GOLGA1: variants seen among roughly 807,000 people sequenced by gnomAD.
GOLGA1 encodes the protein golgin subfamily A member 1.
Under a neutral mutation model 119.7 loss-of-function variants are expected in GOLGA1, and 63 were observed. The observed-to-expected ratio is 0.53, with a 90% CI of 0.43 to 0.65. The LOEUF (loss-of-function observed/expected upper bound fraction) is 0.65. GOLGA1 is among the 30% of genes least tolerant of loss of function. GOLGA1 has a pLI of 0.00. For synonymous variants in GOLGA1, 318 were observed against 333.4 expected (o/e 0.95, Z 0.50); for missense variants, 798 against 912.8 (o/e 0.87, Z 1.62).
intron 12 of GOLGA1, among the ~76,000 whole-genome samples, chr9:124,901,145 G>C (rs914915811): frequency 6.7e-6 from 1 of 150,276 alleles, no homozygotes; most frequent in Admixed American, 6.6e-5. Context: ...CTAATTTTTT[G>C]TATTTTTAGT....
At chr9:124,929,930 T>C (rs1030735460) in intron 4 of GOLGA1, among the ~76,000 whole-genome samples, 1 of 152,198 alleles carries the variant, frequency 6.6e-6, no homozygotes, top group African/African-American at 2.4e-5. Flanking sequence ...AGTCCTTAGC[T>C]GGGGACCTTA....
intron 10 of GOLGA1, among the ~76,000 whole-genome samples, chr9:124,919,709 T>C (rs1297553725): frequency 6.6e-6 from 1 of 152,144 alleles, no homozygotes; most frequent in East Asian, 1.9e-4. Flanking sequence ...TCAGCAATTC[T>C]GAAAGATGAG....
At position 124,908,445 on chromosome 9, in the gene GOLGA1, C is replaced by T; in HGVS notation, c.997G>A (p.Asp333Asn). The T allele has an allele frequency of 6.2e-7, 1 of 1,607,578 alleles. No individual in the cohort carries two copies. The highest frequency in any genetic ancestry group is 8.5e-7 in the Non-Finnish European group (1 of 1,173,962). The change falls in exon 12 of 23, where the codon GAT (aspartate) becomes AAT (asparagine). Residue 333 changes from aspartate to asparagine, a missense_variant. Transcript: ENST00000373555. Reference sequence around the variant, plus strand: ...GCTGCCAAGAGCTGTTGTCTGGTATCCTCCAAATTCTGCTCAGCAAGTGTT... The same window carrying T: ...GCTGCCAAGAGCTGTTGTCTGGTATTCTCCAAATTCTGCTCAGCAAGTGTT... The part of the protein sequence containing the change: ...EKTLAEQNLE[D>N]TRQQLLAARS...
intron 3 of GOLGA1, among the ~76,000 whole-genome samples, chr9:124,932,358 C>T (rs923284842): frequency 1.3e-5 from 2 of 152,202 alleles, no homozygotes; most frequent in Non-Finnish European, 2.9e-5. Context: ...TATTCATCTA[C>T]ATGTCCAGCC....
chr9:124,909,530 C>G (rs1049962733), intron 11 of GOLGA1, among the ~76,000 whole-genome samples: 3 of 150,464 alleles, frequency 2.0e-5, no homozygotes, highest in Non-Finnish European at 4.4e-5. Flanking sequence ...ATCACTTGAA[C>G]CCCGGGAAGC....
chr9:124,931,810 G>A (rs760395444), intron 3 of GOLGA1, among the ~76,000 whole-genome samples: 19 of 152,274 alleles, frequency 1.2e-4, no homozygotes, highest in Non-Finnish European at 7.4e-5. Context: ...ATCTTTCACC[G>A]ATATTGATAA....
At position 124,889,423 on chromosome 9, in the gene GOLGA1, C is replaced by T. The variant is rs765602782; in HGVS notation, c.1600+11G>A. On this transcript the variant is annotated intron_variant, in intron 17 of 22. Transcript: ENST00000373555. ...AAGGAGAGAAGGCTCAGCCAGGGAC[C>T]GACTCCTCACCTCGCTCCAGCTGGA... The T allele has an allele frequency of 1.2e-4, 189 of 1,604,536 alleles. No homozygotes were observed. The highest frequency in any genetic ancestry group is 1.5e-4 in the Non-Finnish European group (180 of 1,171,264).
Position 124,880,414 on chromosome 9 carries a change from C to T in GOLGA1, c.*116G>A, listed in dbSNP as rs1829547552. ...CTTAGTCTTGTAAACAATGTTTAGA[C>T]ACTTGTACAAAATACTGCAGTTACA... On this transcript the variant is annotated 3_prime_UTR_variant, in exon 23 of 23. Transcript: ENST00000373555. 2 of 683,326 alleles carry T rather than the reference C, an allele frequency of 2.9e-6. No individual in the cohort carries two copies. The highest frequency in any genetic ancestry group is 3.0e-5 in the South Asian group (2 of 67,142). The allele number at this position is 683,326 out of a possible 1,614,324, so 42.3% of individuals were successfully genotyped here. A position where few individuals can be genotyped will look rare whatever the true frequency, so the allele number is the denominator to read the frequency against.
At chr9:124,926,062 T>A (rs1830665752) in intron 7 of GOLGA1, among the ~76,000 whole-genome samples, 1 of 152,108 alleles carries the variant, frequency 6.6e-6, no homozygotes, top group Admixed American at 6.6e-5. Flanking sequence ...TTACCACGTG[T>A]CAATCAGAAC....
intron 12 of GOLGA1, among the ~76,000 whole-genome samples, chr9:124,906,757 GA>G (rs1280881852): frequency 7.3e-5 from 11 of 150,594 alleles, no homozygotes; most frequent in Admixed American, 6.6e-5. Context: ...TGTCTCAAAA[GA>G]AAAAAAAGAT....
At chr9:124,935,256 C>G (rs527742934) in intron 3 of GOLGA1, among the ~76,000 whole-genome samples, 1 of 152,156 alleles carries the variant, frequency 6.6e-6, no homozygotes, top group South Asian at 2.1e-4. Flanking sequence ...GGATGGGACC[C>G]AAGTGTAAAC....
In GOLGA1 at chr9:124,888,857, G is replaced by A. The variant is rs1588058347; in HGVS notation, c.1761+286C>T. Among the ~76,000 whole-genome samples, 1 of 152,038 alleles carries A rather than the reference G, an allele frequency of 6.6e-6. No individual in the cohort carries two copies. Among genetic ancestry groups the A allele is most frequent in the Non-Finnish European group, 1.5e-5 (1 of 68,002 alleles). On this transcript the variant is annotated intron_variant, in intron 18 of 22. Coordinates refer to ENST00000373555, the MANE Select transcript of GOLGA1 (RefSeq NM_002077.4). This position sits in a 1 kb window ranked among gnomAD's most constrained non-coding sequence, Gnocchi z 4.4. ...TGGGACTACAGGCACTCGCCACCACGCCTAGCTAATTTTTTGTATTTTTAG... is the reference window on the plus strand; with the variant it reads ...TGGGACTACAGGCACTCGCCACCACACCTAGCTAATTTTTTGTATTTTTAG...
At chr9:124,909,403 C>T (rs557575148) in intron 11 of GOLGA1, among the ~76,000 whole-genome samples, 244 of 151,268 alleles carry the variant, frequency 1.6e-3, no homozygotes, top group African/African-American at 5.7e-3. Context: ...GTCAGAAGTT[C>T]GAGACCAGCC....
At chr9:124,933,260 G>GA (rs1830805807) in intron 3 of GOLGA1, among the ~76,000 whole-genome samples, 1 of 152,092 alleles carries the variant, frequency 6.6e-6, no homozygotes, top group African/African-American at 2.4e-5. Context: ...TCCTTAGAAA[G>GA]GCCTGCTTTT....
chr9:124,915,870 G>A (rs1002989019), intron 10 of GOLGA1, among the ~76,000 whole-genome samples: 10 of 152,006 alleles, frequency 6.6e-5, no homozygotes, highest in African/African-American at 1.4e-4. Context: ...TTGGGAGTCC[G>A]AGGCAGGCAG....
At chr9:124,921,048 C>T (rs1588087458) in intron 10 of GOLGA1, 81 bp downstream of exon 10, 2 of 844,992 alleles carry the variant, frequency 2.4e-6, no homozygotes, top group Non-Finnish European at 4.1e-6. Context: ...TGTTCAGTAG[C>T]TACTCTCAGG....
At chr9:124,900,775 T>C (rs949885813) in intron 12 of GOLGA1, among the ~76,000 whole-genome samples, 20 of 152,196 alleles carry the variant, frequency 1.3e-4, no homozygotes, top group African/African-American at 4.1e-4. Flanking sequence ...AAAGTTTTAA[T>C]AGGACAATGT....
chr9:124,881,220 T>C lies in GOLGA1; in HGVS notation c.2174A>G (p.Asn725Ser). 1 of 1,606,050 alleles carries C rather than the reference T, an allele frequency of 6.2e-7. No individual in the cohort carries two copies. The highest frequency in any genetic ancestry group is 2.2e-5 in the East Asian group (1 of 44,850). The change falls in exon 22 of 23, where the codon AAC (asparagine) becomes AGC (serine). Residue 725 changes from asparagine to serine, a missense_variant. Transcript: ENST00000373555. This position sits in a 1 kb window ranked among gnomAD's most constrained non-coding sequence, Gnocchi z 4.9. ...HLIKAVSVLL[N>S]FSQEEENMLK... is the part of the protein sequence containing the mutation. ...CATGTTCTCCTCCTCTTGGGAAAAG[T>C]TCAGCAACACTGACACAGCTTTTAT... is the stretch of plus-strand genomic sequence containing the variant.
intron 10 of GOLGA1, among the ~76,000 whole-genome samples, chr9:124,920,539 T>C (rs1245359395): frequency 6.6e-6 from 1 of 152,130 alleles, no homozygotes; most frequent in Non-Finnish European, 1.5e-5. Context: ...TTACGTGCCA[T>C]AAAACAAACT....
Sources: gnomAD v4.1 joint callset for allele counts (sites outside exome capture counted in the v4.1 genomes callset) on GRCh38, gnomAD v4.1.1 for gene constraint, Gnocchi (gnomAD v3.1) non-coding constraint, MANE v1.5 for transcripts, NCBI Gene and HGNC (gene_info 2026-07-23, HGNC 2026-07-21) for gene names.